GPHN: variants seen among roughly 807,000 people sequenced by gnomAD.
GPHN encodes gephyrin.
Under a neutral mutation model 95.5 loss-of-function variants are expected in GPHN, and 17 were observed. The ratio of observed to expected loss-of-function variants is 0.18; its 90% CI spans 0.12 to 0.27. GPHN has a LOEUF of 0.27. GPHN is among the 10% of genes least tolerant of loss of function. The pLI is 1.00. For missense variants in GPHN, 660 were observed against 978.1 expected (o/e 0.67, Z 4.34); for synonymous variants, 320 against 322.5 (o/e 0.99, Z 0.08).
intron 1 of GPHN, among the ~76,000 whole-genome samples, chr14:66,524,936 G>A (rs1204280706): frequency 6.6e-6 from 1 of 152,072 alleles, no homozygotes; most frequent in African/African-American, 2.4e-5. Context: ...CTTTGCTATT[G>A]TGAACAGTGC....
At chr14:67,233,419 C>G in the GPHN span, among the ~76,000 whole-genome samples, 1 of 152,162 alleles carries the variant, frequency 6.6e-6, no homozygotes, top group Non-Finnish European at 1.5e-5. Context: ...TTTTAAAAAC[C>G]TGGTGGAATA....
chr14:67,125,519 A>G (rs1246131660), intron 17 of GPHN, among the ~76,000 whole-genome samples: 5 of 152,194 alleles, frequency 3.3e-5, no homozygotes, highest in Non-Finnish European at 5.9e-5. Context: ...GCTCACGCCT[A>G]TAATCCCAGC....
At chr14:67,370,815 C>T in the GPHN span, among the ~76,000 whole-genome samples, 1 of 152,104 alleles carries the variant, frequency 6.6e-6, no homozygotes, top group Non-Finnish European at 1.5e-5. Flanking sequence ...TGCTTGAGCC[C>T]AGGAGTTCAA....
chr14:67,723,512 G>A, the GPHN span, among the ~76,000 whole-genome samples: 1 of 152,178 alleles, frequency 6.6e-6, no homozygotes, highest in Non-Finnish European at 1.5e-5. Flanking sequence ...TGGGATTACA[G>A]GCATGAGCCA....
At chr14:67,202,136 C>T in the GPHN span, among the ~76,000 whole-genome samples, 1 of 152,104 alleles carries the variant, frequency 6.6e-6, no homozygotes, top group Non-Finnish European at 1.5e-5. Context: ...TTAAACACAG[C>T]CATTATTAAA....
chr14:66,780,222 C>G (rs185716092), intron 3 of GPHN, among the ~76,000 whole-genome samples: 2 of 152,144 alleles, frequency 1.3e-5, no homozygotes, highest in African/African-American at 2.4e-5. Context: ...TGAGGTCCCT[C>G]TCAGATTACC....
intron 10 of GPHN, among the ~76,000 whole-genome samples, chr14:67,055,759 C>T (rs1441941606): frequency 6.6e-6 from 1 of 152,182 alleles, no homozygotes; most frequent in South Asian, 2.1e-4. Context: ...CGCGGACCCT[C>T]GCAGTGAGTG....
At chr14:67,005,189 C>T (rs1280935784) in intron 9 of GPHN, among the ~76,000 whole-genome samples, 2 of 151,334 alleles carry the variant, frequency 1.3e-5, no homozygotes, top group African/African-American at 4.8e-5. Context: ...GCATTTTTAG[C>T]CACTTAATTA....
At chr14:66,900,240 T>C (rs1179097335) in intron 5 of GPHN, among the ~76,000 whole-genome samples, 1 of 151,920 alleles carries the variant, frequency 6.6e-6, no homozygotes, top group East Asian at 1.9e-4. Context: ...TAAATTTCAC[T>C]GTTATCTGCT....
At chr14:67,144,763 T>C (rs1808135993) in intron 18 of GPHN, among the ~76,000 whole-genome samples, 1 of 152,200 alleles carries the variant, frequency 6.6e-6, no homozygotes, top group African/African-American at 2.4e-5. Flanking sequence ...GGAGAACAAA[T>C]GTCAGAACTT....
chr14:66,991,620 C>G (rs1300029990), intron 9 of GPHN, among the ~76,000 whole-genome samples: 1 of 132,676 alleles, frequency 7.5e-6, no homozygotes, highest in Non-Finnish European at 1.7e-5. Context: ...TCCAATATAG[C>G]AAAAAAAAAA....
At chr14:67,011,268 T>C (rs1220481903) in intron 9 of GPHN, among the ~76,000 whole-genome samples, 2 of 152,014 alleles carry the variant, frequency 1.3e-5, no homozygotes, top group Non-Finnish European at 2.9e-5. Context: ...AATTCTCATA[T>C]AAGAACAAAA....
At chr14:67,277,572 A>ACC in the GPHN span, among the ~76,000 whole-genome samples, 1 of 151,938 alleles carries the variant, frequency 6.6e-6, no homozygotes, top group Admixed American at 6.6e-5. Flanking sequence ...TAGTAGGTTT[A>ACC]TTACTGTAAA....
chr14:67,164,637 G>T (rs573526098), intron 19 of GPHN, among the ~76,000 whole-genome samples: 1 of 152,012 alleles, frequency 6.6e-6, no homozygotes, highest in South Asian at 2.1e-4. Context: ...GATTACAGGC[G>T]CACACCACCA....
downstream of GPHN, among the ~76,000 whole-genome samples, chr14:67,183,022 G>A (rs2083345106): frequency 6.6e-6 from 1 of 151,826 alleles, no homozygotes; most frequent in Non-Finnish European, 1.5e-5. Flanking sequence ...ATGCTATTGG[G>A]TCTTGAAGGA....
the GPHN span, among the ~76,000 whole-genome samples, chr14:67,287,837 G>A: frequency 6.6e-6 from 1 of 152,226 alleles, no homozygotes; most frequent in Non-Finnish European, 1.5e-5. Context: ...CCGAAAGGTA[G>A]AAGTACAGGT....
At chr14:67,338,992 CTTTTTTT>C in the GPHN span, among the ~76,000 whole-genome samples, 1 of 131,158 alleles carries the variant, frequency 7.6e-6, no homozygotes, top group Admixed American at 7.8e-5. Context: ...AGACAGAAGC[CTTTTTTT>C]TTTTTTTTTT....
At chr14:67,575,823 C>T in the GPHN span, 9 of 1,611,340 alleles carry the variant, frequency 5.6e-6, no homozygotes, top group South Asian at 3.3e-5. Context: ...CTGTCCACAG[C>T]GACCCCTGGG....
intron 1 of GPHN, among the ~76,000 whole-genome samples, chr14:66,585,152 C>G (rs1013040697): frequency 6.6e-6 from 1 of 152,126 alleles, no homozygotes; most frequent in Non-Finnish European, 1.5e-5. Flanking sequence ...TCCATTTCTT[C>G]TAGATTTTCT....
Sources: allele counts gnomAD v4.1 joint callset (sites outside exome capture counted in the v4.1 genomes callset), GRCh38; gene constraint gnomAD v4.1.1; transcripts MANE v1.5; gene names NCBI Gene and HGNC (gene_info 2026-07-23, HGNC 2026-07-21).